TTC33: variants seen among roughly 807,000 people sequenced by gnomAD.
TTC33 encodes tetratricopeptide repeat protein 33.
Under a neutral mutation model 29.4 loss-of-function variants are expected in TTC33, and 24 were observed. That is an observed-to-expected ratio of 0.82 (90% CI 0.59 to 1.15). The LOEUF is 1.15. Among genes scored for constraint, TTC33 ranks in the 50% most tolerant of loss-of-function variants. The pLI, the probability that TTC33 is intolerant of heterozygous loss-of-function variation, is 0.00. For synonymous variants in TTC33, 107 were observed against 100.3 expected (o/e 1.07, Z -0.40); for missense variants, 286 against 310.4 (o/e 0.92, Z 0.59).
At chr5:40,753,599 GA>G (rs1742936001) in intron 1 of TTC33, among the ~76,000 whole-genome samples, 1 of 152,150 alleles carries the variant, frequency 6.6e-6, no homozygotes, top group Admixed American at 6.5e-5. Context: ...GAAGATGGCT[GA>G]AAACAGAAGT....
chr5:40,716,608 TTA>T, intron 4 of TTC33, 110 bp from the exon 5 acceptor site: 1 of 715,132 alleles, frequency 1.4e-6, no homozygotes, highest in Non-Finnish European at 2.3e-6. Context: ...TCCTAATGCA[TTA>T]TCTTAATGTA....
intron 1 of TTC33, among the ~76,000 whole-genome samples, chr5:40,754,547 G>A (rs1241821072): frequency 6.6e-6 from 1 of 152,172 alleles, no homozygotes; most frequent in East Asian, 1.9e-4. Context: ...GAAAAATAGA[G>A]ATACCAAACA....
intron 1 of TTC33, among the ~76,000 whole-genome samples, chr5:40,752,369 T>C (rs1311703615): frequency 6.6e-6 from 1 of 152,260 alleles, no homozygotes; most frequent in African/African-American, 2.4e-5. Context: ...ACTTGGCTGT[T>C]TGGTGCAAGA....
At chr5:40,729,463 T>C (rs1019742086) in intron 3 of TTC33, among the ~76,000 whole-genome samples, 2 of 152,220 alleles carry the variant, frequency 1.3e-5, no homozygotes, top group Admixed American at 1.3e-4. Context: ...TCCTACAAAA[T>C]ATTAGAAACA....
intron 4 of TTC33, among the ~76,000 whole-genome samples, chr5:40,724,070 C>T (rs1742221671): frequency 6.6e-6 from 1 of 152,150 alleles, no homozygotes; most frequent in African/African-American, 2.4e-5. Context: ...GAGATATTAG[C>T]ACTCCCAGGT....
chr5:40,733,976 T>C lies in TTC33; in HGVS notation c.222-3633A>G, dbSNP rs183726082. Among the ~76,000 whole-genome samples the C allele has an allele frequency of 3.3e-5, 5 of 152,360 alleles. No individual in the cohort carries two copies. The East Asian group carries it at 9.6e-4, about 29-fold the overall frequency. ...AAGAAAAATGTCCTCTCTTCTCAACTGCACTGTCTTTTATTTTGAAAGCAT... is the reference window on the plus strand; with the variant it reads ...AAGAAAAATGTCCTCTCTTCTCAACCGCACTGTCTTTTATTTTGAAAGCAT... On this transcript the variant is annotated intron_variant, in intron 2 of 4. Transcript: ENST00000337702.
intron 1 of TTC33, among the ~76,000 whole-genome samples, chr5:40,753,091 G>A (rs528254553): frequency 7.4e-4 from 113 of 152,200 alleles, no homozygotes; most frequent in African/African-American, 2.1e-3. Context: ...CAGGCTGGGC[G>A]CGGTGGCTCA....
At chr5:40,747,084 G>T in intron 1 of TTC33, 65 bp from the exon 2 acceptor site, 1 of 1,414,904 alleles carries the variant, frequency 7.1e-7, no homozygotes, top group East Asian at 2.3e-5. Context: ...TTGAGATGGA[G>T]TCTCACTCTC....
intron 1 of TTC33, among the ~76,000 whole-genome samples, chr5:40,749,389 T>C (rs1742854315): frequency 6.6e-6 from 1 of 152,126 alleles, no homozygotes; most frequent in Admixed American, 6.5e-5. Flanking sequence ...ATTCCATTCT[T>C]AAAGGAGTCT....
intron 2 of TTC33, among the ~76,000 whole-genome samples, chr5:40,733,281 C>A (rs1158189963): frequency 6.6e-6 from 1 of 152,028 alleles, no homozygotes; most frequent in Non-Finnish European, 1.5e-5. Flanking sequence ...GGTCTTTGGT[C>A]TCTAGAGCAA....
chr5:40,738,567 T>TATAAAATAAA (rs199498234), intron 2 of TTC33, among the ~76,000 whole-genome samples: 51 of 67,594 alleles, frequency 7.5e-4, no homozygotes, highest in Admixed American at 1.3e-3. Context: ...TAAAATAAAA[T>TATAAAATAAA]ATAAAATAAA....
At chr5:40,720,280 C>G (rs1742096687) in intron 4 of TTC33, among the ~76,000 whole-genome samples, 1 of 152,154 alleles carries the variant, frequency 6.6e-6, no homozygotes, top group South Asian at 2.1e-4. Context: ...TATCCAACTG[C>G]CTCAGCACCA....
chr5:40,747,960 G>C lies in TTC33; in HGVS notation c.-1-941C>G, dbSNP rs143865966. ...CCTGCCTCAGCCTCCCGAGTAGCTG[G>C]GATTATAGGCAGGCACCACCACGCC... On this transcript the variant is annotated intron_variant, in intron 1 of 4. Coordinates refer to ENST00000337702, the MANE Select transcript of TTC33 (RefSeq NM_012382.3). Among the ~76,000 whole-genome samples the C allele has an allele frequency of 5.8e-3, 884 of 151,934 alleles. 4 individuals carry two copies. The highest frequency in any genetic ancestry group is 9.7e-3 in the Non-Finnish European group (658 of 67,988).
At chr5:40,739,875 C>G (rs1226621259) in intron 2 of TTC33, among the ~76,000 whole-genome samples, 1 of 152,108 alleles carries the variant, frequency 6.6e-6, no homozygotes, top group East Asian at 1.9e-4. Flanking sequence ...AGTTTTTATA[C>G]ATGTTTTGCT....
intron 2 of TTC33, among the ~76,000 whole-genome samples, chr5:40,739,354 TATTAAC>T (rs933870462): frequency 9.9e-5 from 15 of 152,200 alleles, no homozygotes; most frequent in Non-Finnish European, 2.1e-4. Context: ...AGAACTGATG[TATTAAC>T]AAAATACTAT....
At chr5:40,716,616 A>G in intron 4 of TTC33, 118 bp from the exon 5 acceptor site, 2 of 675,622 alleles carry the variant, frequency 3.0e-6, no homozygotes, top group Non-Finnish European at 4.9e-6. Flanking sequence ...CATTATCTTA[A>G]TGTACTAGAA....
intron 4 of TTC33, among the ~76,000 whole-genome samples, chr5:40,716,948 G>A (rs1011974358): frequency 6.6e-5 from 10 of 152,098 alleles, no homozygotes; most frequent in Non-Finnish European, 1.5e-4. Context: ...CATGTATTTG[G>A]CTGGGCACGG....
At chr5:40,729,223 T>G (rs975950783) in intron 3 of TTC33, among the ~76,000 whole-genome samples, 4 of 152,212 alleles carry the variant, frequency 2.6e-5, no homozygotes, top group African/African-American at 9.7e-5. Flanking sequence ...TCATATCACT[T>G]GATTCAGATG....
rs771786536 is a variant in TTC33 at position 40,746,902 on chromosome 5, G to C, written c.117C>G (p.Asn39Lys). 10 of 1,614,110 alleles carry C rather than the reference G, an allele frequency of 6.2e-6. No homozygotes were observed. The South Asian group carries it at 1.1e-4, about 18-fold the overall frequency. The change falls in exon 2 of 5, where the codon AAC becomes AAG. Residue 39 changes from asparagine (N) to lysine (K), a missense_variant. Coordinates refer to ENST00000337702, the MANE Select transcript of TTC33 (RefSeq NM_012382.3). ...TCCTACGTTTAATGGCATGAAGCCA[G>C]TTCCCTTCATCGTTGTCAACTACAT... ...EKDVVDNDEG[N>K]WLHAIKRRKE... is the part of the protein sequence containing the mutation.
Sources: allele counts gnomAD v4.1 joint callset (sites outside exome capture counted in the v4.1 genomes callset), GRCh38; gene constraint gnomAD v4.1.1; transcripts MANE v1.5; gene names NCBI Gene and HGNC (gene_info 2026-07-23, HGNC 2026-07-21).